Variants in SLC25A25 observed in about 807,000 individuals in gnomAD.
SLC25A25 encodes the protein solute carrier family 25 member 25, also known as mitochondrial adenyl nucleotide antiporter SLC25A25.
A neutral mutation model predicts 57.7 loss-of-function variants in SLC25A25; 32 were observed. The ratio of observed to expected loss-of-function variants is 0.55; its 90% CI spans 0.42 to 0.74. The LOEUF (loss-of-function observed/expected upper bound fraction) is 0.74, where lower values mean the gene tolerates loss of function less well. SLC25A25 is among the 30% of genes least tolerant of loss of function. The pLI is 0.00. For missense variants in SLC25A25, 556 were observed against 701.3 expected, an observed-to-expected ratio of 0.79 and a Z score of 2.34; for synonymous variants, 306 against 291.2, an observed-to-expected ratio of 1.05 and a Z score of -0.52.
At chr9:128,098,723 C>G in intron 1 of SLC25A25, 1 of 1,614,014 alleles carries the variant, frequency 6.2e-7, no homozygotes, top group Admixed American at 1.7e-5. Flanking sequence ...CCAGTGGAAG[C>G]AGGTCTGTGG....
intron 1 of SLC25A25, among the ~76,000 whole-genome samples, chr9:128,085,947 C>A (rs1377528541): frequency 6.6e-6 from 1 of 151,670 alleles, no homozygotes; most frequent in Non-Finnish European, 1.5e-5. Flanking sequence ...CTCAAGCGAT[C>A]CTCCCACCTC....
At position 128,099,953 on chromosome 9, in the gene SLC25A25, G is replaced by A. The variant is rs1280643992; in HGVS notation, c.262-1143G>A. Among the ~76,000 whole-genome samples the A allele has an allele frequency of 6.6e-6, 1 of 152,116 alleles. No homozygotes were observed. The highest frequency in any genetic ancestry group is 1.5e-5 in the Non-Finnish European group (1 of 68,026). ...ATTCTCGGTCCCAGTTTTGGGTTCC[G>A]GATTCAGGGCGTTGCTGAGTTGGGG... On this transcript the variant is annotated intron_variant, in intron 1 of 10. Coordinates refer to ENST00000373069, the MANE Select transcript of SLC25A25 (RefSeq NM_001330988.2). This position sits in a 1 kb window ranked among gnomAD's most constrained non-coding sequence, Gnocchi z 6.8.
At chr9:128,082,864 C>A (rs1833184360) in intron 1 of SLC25A25, among the ~76,000 whole-genome samples, 1 of 151,986 alleles carries the variant, frequency 6.6e-6, no homozygotes, top group Admixed American at 6.5e-5. Context: ...GGTGATCCAC[C>A]CACCTCCGCC....
rs370288653 is a variant in SLC25A25 at position 128,101,321 on chromosome 9, C to A, written c.401C>A (p.Ala134Glu). The A allele has an allele frequency of 6.2e-7, 1 of 1,614,260 alleles. No homozygotes were observed. Among genetic ancestry groups the A allele is most frequent in the Non-Finnish European group, 8.5e-7 (1 of 1,180,052 alleles). ...LDKKNDGRID[A>E]QEIMQSLRDL... ...TCTGTTCTTGCAGGACGCATTGACG[C>A]GCAGGAGATCATGCAGTCCCTGCGG... Residue 134 changes from alanine to glutamate, a missense_variant, in exon 3 of 11, where the codon GCG (alanine) becomes GAG (glutamate). Coordinates refer to ENST00000373069, the MANE Select transcript of SLC25A25 (RefSeq NM_001330988.2). The surrounding 1 kb of genome is among the most constrained non-coding windows in gnomAD (Gnocchi z 4.9).
In SLC25A25 at chr9:128,108,168, CCT is replaced by C; in HGVS notation, c.*725_*726del. 5.0e-6 allele frequency: 2 copies of C among 399,248 alleles called. No homozygotes were observed. Among genetic ancestry groups the C allele is most frequent in the Non-Finnish European group, 8.8e-6 (2 of 226,268 alleles). 24.7% of individuals were successfully genotyped at this position (399,248 alleles called of 1,614,324 possible). On this transcript the variant is annotated 3_prime_UTR_variant, in exon 11 of 11. Coordinates refer to ENST00000373069, the MANE Select transcript of SLC25A25 (RefSeq NM_001330988.2). ...CATGGTGCTCTGAGCTGGCCTGGAC[CCT>C]GTCAGGATGGGCCCCACCTCAGAAC...
At chr9:128,070,084 ATTTTTTTTT>A (rs71381724) in intron 1 of SLC25A25, among the ~76,000 whole-genome samples, 5 of 6,366 alleles carry the variant, frequency 7.9e-4, no homozygotes, top group African/African-American at 3.8e-4. Context: ...CACCCAGCTA[ATTTTTTTTT>A]TTTTTTTTTT....
chr9:128,091,388 C>A, intron 1 of SLC25A25: 1 of 968,940 alleles, frequency 1.0e-6, no homozygotes, highest in Non-Finnish European at 1.2e-6. Context: ...TTGGTAGTGT[C>A]GGCAGAGGTG....
rs1564194085 is a variant in SLC25A25, at chr9:128,103,689, T to C, written c.633T>C (p.Asp211=). Reference sequence around the variant, plus strand: ...GCCATCTTTCCTCACAGATCTTTGATGTGGGTGAGAATCTAACGGTCCCGG... The same window carrying C: ...GCCATCTTTCCTCACAGATCTTTGACGTGGGTGAGAATCTAACGGTCCCGG... ...ILYWKHSTIF[D]VGENLTVPDE... The change falls in exon 6 of 11, where the codon GAT becomes GAC. Residue 211 remains aspartate, a synonymous_variant. Transcript: ENST00000373069. The surrounding 1 kb of genome is among the most constrained non-coding windows in gnomAD (Gnocchi z 6.7). 3 of 1,614,098 alleles carry C rather than the reference T, an allele frequency of 1.9e-6. No individual in the cohort carries two copies. The highest frequency in any genetic ancestry group is 4.5e-5 in the East Asian group (2 of 44,874).
At position 128,106,206 on chromosome 9, in the gene SLC25A25, G is replaced by T; in HGVS notation, c.993G>T (p.Val331=). ...QETLRIHERL[V]AGSLAGAIAQ... ...CTCTGAGGATTCACGAGAGGCTTGT[G>T]GCAGGGTCCTTGGCAGGGGCCATCG... is the stretch of plus-strand genomic sequence containing the variant. The change falls in exon 8 of 11, where the codon GTG becomes GTT. Residue 331 remains valine (V), a synonymous_variant. Coordinates refer to ENST00000373069, the MANE Select transcript of SLC25A25 (RefSeq NM_001330988.2). 2 of 1,614,196 alleles carry T rather than the reference G, an allele frequency of 1.2e-6. No individual in the cohort carries two copies. The highest frequency in any genetic ancestry group is 1.7e-6 in the Non-Finnish European group (2 of 1,180,032).
At chr9:128,071,300 C>A (rs1396298802) in intron 1 of SLC25A25, among the ~76,000 whole-genome samples, 1 of 152,134 alleles carries the variant, frequency 6.6e-6, no homozygotes, top group Admixed American at 6.5e-5. Context: ...CACTTTGACT[C>A]TAAAATCTTT....
rs1286684730 is a variant in SLC25A25, at chr9:128,107,321, C to T, written c.1425C>T (p.Thr475=). Residue 475 remains threonine (T), a synonymous_variant, in exon 11 of 11, where the codon ACC becomes ACT. Coordinates refer to ENST00000373069, the MANE Select transcript of SLC25A25 (RefSeq NM_001330988.2). ...GCCTCTTCAAACATATCCTGCGGAC[C>T]GAGGGGGCCTTCGGGCTGTACAGGG... The part of the protein sequence containing the change: ...MSSLFKHILR[T]EGAFGLYRGL... 3 of 1,551,596 alleles carry T rather than the reference C, an allele frequency of 1.9e-6. No individual in the cohort carries two copies. Among genetic ancestry groups the T allele is most frequent in the Non-Finnish European group, 2.6e-6 (3 of 1,144,526 alleles).
intron 1 of SLC25A25, chr9:128,098,401 C>T: frequency 7.5e-7 from 1 of 1,335,616 alleles, no homozygotes; most frequent in Non-Finnish European, 9.7e-7. Context: ...GCAGGACTTG[C>T]CGTGGGAGGG....
chr9:128,106,093 G>A lies in SLC25A25; in HGVS notation c.937-57G>A, dbSNP rs910689260. 10 of 1,591,238 alleles carry A rather than the reference G, an allele frequency of 6.3e-6. No individual in the cohort carries two copies. The Admixed American group carries it at 6.7e-5, about 11-fold the overall frequency. On this transcript the variant is annotated intron_variant, in intron 7 of 10. Coordinates refer to ENST00000373069, the MANE Select transcript of SLC25A25 (RefSeq NM_001330988.2). ...CGGGGACTCCTGGAAGGGAGGGGCA[G>A]CAGCAGGTGCCCCAACCTCTGGGTA...
intron 1 of SLC25A25, among the ~76,000 whole-genome samples, chr9:128,080,487 T>A (rs1833131066): frequency 6.6e-6 from 1 of 151,412 alleles, no homozygotes; most frequent in East Asian, 1.9e-4. Flanking sequence ...TGGGCTTTTT[T>A]TTTTTTTTGA....
rs978700408 is a variant in SLC25A25, at chr9:128,103,901, G to C, written c.783+62G>C. On this transcript the variant is annotated intron_variant, in intron 6 of 10. Coordinates refer to ENST00000373069, the MANE Select transcript of SLC25A25 (RefSeq NM_001330988.2). The surrounding 1 kb of genome is among the most constrained non-coding windows in gnomAD (Gnocchi z 6.7). Reference sequence around the variant, plus strand: ...AGTTTCCACCTGGGGGATGCTGCTTGGCTAGTTTTCCCTTTCTCTGGCTGG... The same window carrying C: ...AGTTTCCACCTGGGGGATGCTGCTTCGCTAGTTTTCCCTTTCTCTGGCTGG... 45 of 1,465,424 alleles carry C rather than the reference G, an allele frequency of 3.1e-5. No homozygotes were observed. In the African/African-American group the frequency reaches 5.9e-4, roughly 19 times the overall value. The allele number at this position is 1,465,424 out of a possible 1,614,324, so 90.8% of individuals were successfully genotyped here.
intron 1 of SLC25A25, among the ~76,000 whole-genome samples, chr9:128,079,409 CAAAAAAAAAAAA>C (rs375501116): frequency 5.0e-5 from 3 of 59,808 alleles, no homozygotes; most frequent in East Asian, 4.5e-4. Context: ...CTGCTGATGC[CAAAAAAAAAAAA>C]AAAAAAAAAA....
rs968026866 is a variant in SLC25A25 at position 128,102,988 on chromosome 9, C to T, written c.624+507C>T. Among the ~76,000 whole-genome samples, 8 of 152,210 alleles carry T rather than the reference C, an allele frequency of 5.3e-5. No individual in the cohort carries two copies. Among genetic ancestry groups the T allele is most frequent in the Admixed American group, 3.3e-4 (5 of 15,278 alleles). The stretch of plus-strand genomic sequence containing the variant: ...TGGTCTCTGCCCCGAGCCCTTCATG[C>T]TTGGCGTGTCCCTCTCTGAGTCCTG... On this transcript the variant is annotated intron_variant, in intron 5 of 10. Coordinates refer to ENST00000373069, the MANE Select transcript of SLC25A25 (RefSeq NM_001330988.2). The surrounding 1 kb of genome is among the most constrained non-coding windows in gnomAD (Gnocchi z 4.1).
rs1172581898 is a variant in SLC25A25, at chr9:128,102,836, G to A, written c.624+355G>A. ...ATGAGCCTTCCCCCCGGTGGGAGGGGGCTGGGGCAGAAGCTACTCTACAGA... is the reference window on the plus strand; with the variant it reads ...ATGAGCCTTCCCCCCGGTGGGAGGGAGCTGGGGCAGAAGCTACTCTACAGA... On this transcript the variant is annotated intron_variant, in intron 5 of 10. Coordinates refer to ENST00000373069, the MANE Select transcript of SLC25A25 (RefSeq NM_001330988.2). The surrounding 1 kb of genome is among the most constrained non-coding windows in gnomAD (Gnocchi z 4.1). 6.6e-6 allele frequency among the ~76,000 whole-genome samples: 1 copy of A among 152,188 alleles called. No homozygotes were observed. The highest frequency in any genetic ancestry group is 1.5e-5 in the Non-Finnish European group (1 of 68,032).
chr9:128,098,603 G>C, intron 1 of SLC25A25: 1 of 1,614,158 alleles, frequency 6.2e-7, no homozygotes, highest in Non-Finnish European at 8.5e-7. Flanking sequence ...GGTCATCGGG[G>C]AAGCCCAGAC....
Sources: gnomAD v4.1 joint callset for allele counts (sites outside exome capture counted in the v4.1 genomes callset) on GRCh38, gnomAD v4.1.1 for gene constraint, Gnocchi (gnomAD v3.1) non-coding constraint, MANE v1.5 for transcripts, NCBI Gene and HGNC (gene_info 2026-07-23, HGNC 2026-07-21) for gene names.